SLC18A1: variants seen among roughly 807,000 people sequenced by gnomAD.
SLC18A1 encodes chromaffin granule amine transporter.
SLC18A1 carries 69 observed loss-of-function variants against 53.7 expected under a neutral mutation model. The ratio of observed to expected loss-of-function variants is 1.28; its 90% CI spans 1.06 to 1.57. The LOEUF (loss-of-function observed/expected upper bound fraction) is 1.57. Ranked by LOEUF, SLC18A1 falls within the 40% of genes most tolerant of loss-of-function variation. The pLI is 0.00. For missense variants in SLC18A1, 932 were observed against 668.1 expected (o/e 1.40, Z -4.35); for synonymous variants, 320 against 248.1 (o/e 1.29, Z -2.72).
At chr8:20,150,583 G>A in intron 11 of SLC18A1, 83 bp downstream of exon 11, 2 of 1,184,812 alleles carry the variant, frequency 1.7e-6, no homozygotes, top group South Asian at 1.2e-5. Flanking sequence ...CCGTATGGAA[G>A]CTGTTCATCA....
chr8:20,174,102 C>G (rs993231405), intron 5 of SLC18A1, among the ~76,000 whole-genome samples: 2 of 151,874 alleles, frequency 1.3e-5, no homozygotes, highest in East Asian at 3.9e-4. Context: ...AGGGCTCTCA[C>G]TATGTTGCCC....
At chr8:20,154,039 C>A (rs759093996) in intron 10 of SLC18A1, among the ~76,000 whole-genome samples, 1 of 152,232 alleles carries the variant, frequency 6.6e-6, no homozygotes, top group East Asian at 1.9e-4. Flanking sequence ...TAAGTTCACA[C>A]AAGAGCTGGT....
intron 4 of SLC18A1, 127 bp downstream of exon 4, chr8:20,178,308 C>G: frequency 1.4e-6 from 1 of 700,378 alleles, no homozygotes; most frequent in Non-Finnish European, 2.4e-6. Flanking sequence ...GCATTTAAAC[C>G]AATATTCCAG....
At chr8:20,147,838 C>T (rs1161938484) in intron 13 of SLC18A1, 116 bp from the exon 14 acceptor site, 12 of 1,498,182 alleles carry the variant, frequency 8.0e-6, no homozygotes, top group Non-Finnish European at 1.1e-5. Flanking sequence ...CGGACTAACA[C>T]CTGTTCCAGG....
intron 1 of SLC18A1, among the ~76,000 whole-genome samples, chr8:20,182,647 A>T (rs1231701265): frequency 6.6e-6 from 1 of 152,258 alleles, no homozygotes; most frequent in Non-Finnish European, 1.5e-5. Flanking sequence ...TACCCCAAAC[A>T]CTGAGGTACT....
At chr8:20,147,876 A>C in intron 13 of SLC18A1, 131 bp downstream of exon 13, 2 of 1,429,352 alleles carry the variant, frequency 1.4e-6, no homozygotes, top group Non-Finnish European at 1.9e-6. Context: ...TCTCTCCACA[A>C]CCCTGCCAGC....
rs759438174 is a variant in SLC18A1, at chr8:20,179,276, T to C, written c.333A>G (p.Pro111=). The part of the protein sequence containing the change: ...AWMNDTASTI[P]PPATEAISAH... ...CTGAGATGGCTTCAGTGGCTGGAGG[T>C]GGGATGGTGCTGGCAGTGTCATTCA... Residue 111 remains proline, a synonymous_variant, in exon 3 of 16, where the codon CCA becomes CCG. Transcript: ENST00000276373. 3 of 1,613,888 alleles carry C rather than the reference T, an allele frequency of 1.9e-6. No homozygotes were observed. The highest frequency in any genetic ancestry group is 2.5e-6 in the Non-Finnish European group (3 of 1,179,986).
At chr8:20,149,391 C>G (rs572618388) in intron 12 of SLC18A1, among the ~76,000 whole-genome samples, 1 of 151,998 alleles carries the variant, frequency 6.6e-6, no homozygotes, top group African/African-American at 2.4e-5. Flanking sequence ...ACCTCCGGCT[C>G]CAGCTGCCCT....
chr8:20,181,183 A>C, intron 1 of SLC18A1, 96 bp from the exon 2 acceptor site: 42 of 398,406 alleles, frequency 1.1e-4, no homozygotes, highest in East Asian at 2.8e-4. Context: ...ATAAATCTCA[A>C]TAACTCTACC....
At chr8:20,157,540 T>C (rs572946027) in intron 10 of SLC18A1, among the ~76,000 whole-genome samples, 1 of 152,256 alleles carries the variant, frequency 6.6e-6, no homozygotes, top group East Asian at 1.9e-4. Flanking sequence ...GTGATATCCA[T>C]TATAACACAG....
intron 12 of SLC18A1, chr8:20,148,577 G>A (rs758338531): frequency 3.9e-6 from 3 of 767,898 alleles, no homozygotes; most frequent in African/African-American, 3.6e-5. Flanking sequence ...AGCTAGAGGG[G>A]GCAGGTGGTG....
chr8:20,165,171 G>T, intron 8 of SLC18A1, 64 bp from the exon 9 acceptor site: 2 of 1,407,328 alleles, frequency 1.4e-6, no homozygotes, highest in Non-Finnish European at 2.0e-6. Flanking sequence ...TATTTTCACA[G>T]AATCTGAGAA....
At position 20,148,090 on chromosome 8, in the gene SLC18A1, G is replaced by C. The variant is rs1161148298; in HGVS notation, c.1147-20C>G. 1 of 1,612,774 alleles carries C rather than the reference G, an allele frequency of 6.2e-7. No homozygotes were observed. The highest frequency in any genetic ancestry group is 2.2e-5 in the East Asian group (1 of 44,864). ...AGGAACCTGCATGGGGAAGGAGGAA[G>C]AGTCATCAGGACTCCAGATGGGTCA... On this transcript the variant is annotated intron_variant, in intron 12 of 15. Transcript: ENST00000276373.
In SLC18A1 at chr8:20,145,739, G is replaced by T. The variant is rs17222127; in HGVS notation, c.*24C>A. 3,853 of 1,493,794 alleles carry T rather than the reference G, an allele frequency of 2.6e-3. 73 individuals are homozygous for T. The African/African-American group carries it at 0.041, about 16-fold the overall frequency. 92.5% of individuals were successfully genotyped at this position (1,493,794 alleles called of 1,614,324 possible). On this transcript the variant is annotated 3_prime_UTR_variant, in exon 16 of 16. Coordinates refer to ENST00000276373, the MANE Select transcript of SLC18A1 (RefSeq NM_003053.4). ...AAAGAGGTGGTCACTGAGGCATCAT[G>T]AATTCAAGGAGCACCTTCTGCTGCT...
rs17222169 is a variant in SLC18A1 at position 20,171,366 on chromosome 8, C to A, written c.814+39G>T. On this transcript the variant is annotated intron_variant, in intron 7 of 15. Transcript: ENST00000276373. ...CAACATAATGCATTCCCAACCTGAC[C>A]TGGGCTGTCACCTGCTGGAGGCTCT... 47 of 1,559,346 alleles carry A rather than the reference C, an allele frequency of 3.0e-5. No homozygotes were observed. In the Admixed American group the frequency reaches 4.5e-4, roughly 15 times the overall value.
intron 6 of SLC18A1, among the ~76,000 whole-genome samples, chr8:20,172,423 T>C (rs1013300879): frequency 4.6e-5 from 7 of 152,208 alleles, no homozygotes; most frequent in South Asian, 2.1e-4. Flanking sequence ...GCAGGAACTA[T>C]GCCTGGGGCT....
intron 4 of SLC18A1, among the ~76,000 whole-genome samples, chr8:20,175,036 G>C (rs981973541): frequency 1.3e-5 from 2 of 152,200 alleles, no homozygotes; most frequent in African/African-American, 4.8e-5. Flanking sequence ...GCTAGACTCT[G>C]TAGCAAATGC....
chr8:20,176,093 A>C (rs1228075912), intron 4 of SLC18A1, among the ~76,000 whole-genome samples: 2 of 152,218 alleles, frequency 1.3e-5, no homozygotes, highest in Admixed American at 6.5e-5. Flanking sequence ...ACCAAATCTC[A>C]TGTTGAAATT....
In SLC18A1 at chr8:20,145,671, C is replaced by G. The variant is rs1461873289; in HGVS notation, c.*92G>C. Reference sequence around the variant, plus strand: ...GATTCCCAGGCAGAGGTATGTGAAGCCCACTGAGCCGTGGGCTCAGCCATG... The same window carrying G: ...GATTCCCAGGCAGAGGTATGTGAAGGCCACTGAGCCGTGGGCTCAGCCATG... On this transcript the variant is annotated 3_prime_UTR_variant, in exon 16 of 16. Transcript: ENST00000276373. 8.8e-6 allele frequency: 6 copies of G among 683,116 alleles called. No homozygotes were observed. The East Asian group carries it at 1.7e-4, about 19-fold the overall frequency. The allele number at this position is 683,116 out of a possible 1,614,324, so 42.3% of individuals were successfully genotyped here.
Sources: gnomAD v4.1 joint callset for allele counts (sites outside exome capture counted in the v4.1 genomes callset) on GRCh38, gnomAD v4.1.1 for gene constraint, MANE v1.5 for transcripts, NCBI Gene and HGNC (gene_info 2026-07-23, HGNC 2026-07-21) for gene names.